YWHAE: variants seen among roughly 807,000 people sequenced by gnomAD.
YWHAE encodes 14-3-3 protein epsilon.
YWHAE carries 4 observed loss-of-function variants against 30.1 expected under a neutral mutation model. The observed-to-expected ratio is 0.13, with a 90% CI of 0.07 to 0.30. The LOEUF (loss-of-function observed/expected upper bound fraction) is 0.30, where lower values mean the gene tolerates loss of function less well. Ranked by LOEUF, YWHAE falls within the 10% of genes least tolerant of loss-of-function variation. The probability of loss-of-function intolerance (pLI) is 1.00; values close to 1 mark genes in which losing one functional copy is unlikely to be tolerated. For synonymous variants in YWHAE, 118 were observed against 111.8 expected, an observed-to-expected ratio of 1.06 and a Z score of -0.35; for missense variants, 121 against 315.9, an observed-to-expected ratio of 0.38 and a Z score of 4.68.
intron 4 of YWHAE, among the ~76,000 whole-genome samples, chr17:1,359,259 G>T (rs1488044043): frequency 6.6e-6 from 1 of 152,200 alleles, no homozygotes; most frequent in African/African-American, 2.4e-5. Flanking sequence ...AGCCAAGGCT[G>T]CAGTGAGCTA....
At chr17:1,353,974 ACTC>A (rs1484225063) in intron 5 of YWHAE, among the ~76,000 whole-genome samples, 1 of 151,922 alleles carries the variant, frequency 6.6e-6, no homozygotes, top group Non-Finnish European at 1.5e-5. Context: ...CTTGCTCTCC[ACTC>A]CTCCTGTCCT....
At chr17:1,362,746 C>T (rs1240456177) in intron 2 of YWHAE, among the ~76,000 whole-genome samples, 5 of 151,990 alleles carry the variant, frequency 3.3e-5, no homozygotes, top group South Asian at 2.1e-4. Context: ...CTGGAACCTC[C>T]GTTTCACTGC....
At chr17:1,393,991 A>C (rs975862453) in intron 1 of YWHAE, among the ~76,000 whole-genome samples, 3 of 152,200 alleles carry the variant, frequency 2.0e-5, no homozygotes, top group Non-Finnish European at 2.9e-5. Flanking sequence ...GATGTGAAGT[A>C]GATGCTATTA....
intron 1 of YWHAE, among the ~76,000 whole-genome samples, chr17:1,370,526 G>A (rs899016570): frequency 3.3e-5 from 5 of 151,914 alleles, no homozygotes; most frequent in East Asian, 2.0e-4. Context: ...TGCCTCCAGG[G>A]TTCAAGCAAT....
intron 1 of YWHAE, among the ~76,000 whole-genome samples, chr17:1,383,078 T>C (rs959907662): frequency 6.7e-6 from 1 of 148,984 alleles, no homozygotes; most frequent in Non-Finnish European, 1.5e-5. Context: ...TGGCTGGTCG[T>C]GGTGGCTCAC....
At chr17:1,384,133 G>A (rs184377635) in intron 1 of YWHAE, among the ~76,000 whole-genome samples, 11 of 152,298 alleles carry the variant, frequency 7.2e-5, no homozygotes, top group Admixed American at 3.9e-4. Context: ...GAACCCAGGA[G>A]GCGAAAGCTG....
In YWHAE at chr17:1,382,743, G is replaced by A. The variant is rs2073234371; in HGVS notation, c.64+17304C>T. Among the ~76,000 whole-genome samples, 3 of 152,112 alleles carry A rather than the reference G, an allele frequency of 2.0e-5. No homozygotes were observed. The South Asian group carries it at 6.2e-4, about 31-fold the overall frequency. The stretch of plus-strand genomic sequence containing the variant: ...CTTTTGCAGTAAGAAATGAAAAACA[G>A]GCCAGGTGCGGTGGCTCATACCTGT... On this transcript the variant is annotated intron_variant, in intron 1 of 5. Transcript: ENST00000264335.
chr17:1,399,926 G>A (rs2073541860), intron 1 of YWHAE, 121 bp downstream of exon 1: 3 of 1,272,604 alleles, frequency 2.4e-6, no homozygotes, highest in Non-Finnish European at 3.4e-6. Context: ...CCTGCTTCCC[G>A]AACCCAAGCC....
chr17:1,374,250 G>A (rs949219685), intron 1 of YWHAE, among the ~76,000 whole-genome samples: 4 of 151,918 alleles, frequency 2.6e-5, no homozygotes, highest in Admixed American at 6.6e-5. Flanking sequence ...CACGGGAGGC[G>A]GAGGTTGCAG....
chr17:1,399,565 C>A (rs1327807620), intron 1 of YWHAE: 1 of 190,870 alleles, frequency 5.2e-6, no homozygotes, highest in Non-Finnish European at 1.1e-5. Flanking sequence ...AAAGCCACCG[C>A]CCCCACCCGC....
intron 1 of YWHAE, among the ~76,000 whole-genome samples, chr17:1,387,284 T>C (rs1316511018): frequency 6.6e-6 from 1 of 152,146 alleles, no homozygotes; most frequent in Non-Finnish European, 1.5e-5. Flanking sequence ...GGATACTCCC[T>C]CATAAACACG....
chr17:1,363,964 T>C (rs1361330112), intron 2 of YWHAE, among the ~76,000 whole-genome samples: 1 of 152,276 alleles, frequency 6.6e-6, no homozygotes, highest in South Asian at 2.1e-4. Context: ...CCCCACTAGA[T>C]GCTAGGAACA....
intron 5 of YWHAE, among the ~76,000 whole-genome samples, chr17:1,346,289 C>A (rs1389978945): frequency 6.6e-6 from 1 of 152,154 alleles, no homozygotes; most frequent in Admixed American, 6.5e-5. Flanking sequence ...AAGAAGCATG[C>A]AGGCTTTTCC....
chr17:1,400,180 C>G lies in YWHAE; in HGVS notation c.-70G>C. The stretch of plus-strand genomic sequence containing the variant: ...ATAGTGTCTCCGACTCTCTCAGCCT[C>G]TCGCTCCGCGTCCGGGCAGCAAAAA... On this transcript the variant is annotated 5_prime_UTR_variant, in exon 1 of 6. Transcript: ENST00000264335. The G allele has an allele frequency of 1.3e-6, 2 of 1,585,930 alleles. No individual in the cohort carries two copies. The highest frequency in any genetic ancestry group is 1.7e-6 in the Non-Finnish European group (2 of 1,156,252).
intron 1 of YWHAE, among the ~76,000 whole-genome samples, chr17:1,388,109 T>TTTG (rs2073331295): frequency 8.5e-5 from 4 of 46,798 alleles, no homozygotes; most frequent in Admixed American, 6.3e-4. Flanking sequence ...TTGTTTTTTT[T>TTTG]TTTGGTTGGT....
chr17:1,348,469 C>CCT (rs1197027542), intron 5 of YWHAE, among the ~76,000 whole-genome samples: 2 of 152,072 alleles, frequency 1.3e-5, no homozygotes, highest in African/African-American at 2.4e-5. Context: ...ACATAAATAC[C>CCT]GTCTCTTTAA....
intron 1 of YWHAE, among the ~76,000 whole-genome samples, chr17:1,397,047 C>T (rs1011691131): frequency 2.0e-5 from 3 of 151,794 alleles, no homozygotes; most frequent in African/African-American, 4.8e-5. Flanking sequence ...TCAACCTCCT[C>T]AGTAGCTATG....
intron 3 of YWHAE, 193 bp downstream of exon 3, chr17:1,361,709 A>G: frequency 2.0e-6 from 1 of 511,924 alleles, no homozygotes; most frequent in East Asian, 3.2e-5. Context: ...TCACAAAAAC[A>G]AAAGAATATA....
chr17:1,353,628 T>C (rs1338745614), intron 5 of YWHAE, among the ~76,000 whole-genome samples: 1 of 151,736 alleles, frequency 6.6e-6, no homozygotes, highest in Non-Finnish European at 1.5e-5. Flanking sequence ...GTAGTCGTGA[T>C]AACGGGTGCC....
Sources: allele counts gnomAD v4.1 joint callset (sites outside exome capture counted in the v4.1 genomes callset), GRCh38; gene constraint gnomAD v4.1.1; transcripts MANE v1.5; gene names NCBI Gene and HGNC (gene_info 2026-07-23, HGNC 2026-07-21).